Variants in NCKAP5 observed in about 807,000 individuals in gnomAD.
NCKAP5 encodes the protein nck-associated protein 5.
NCKAP5 carries 92 observed loss-of-function variants against 167.0 expected under a neutral mutation model. The observed-to-expected ratio is 0.55, with a 90% confidence interval of 0.47 to 0.66. The LOEUF (loss-of-function observed/expected upper bound fraction) is 0.66, where lower values mean the gene tolerates loss of function less well. NCKAP5 is among the 30% of genes least tolerant of loss of function. The pLI is 0.00. For missense variants in NCKAP5, 2,378 were observed against 2,315.0 expected, an observed-to-expected ratio of 1.03 and a Z score of -0.56; for synonymous variants, 891 against 877.4, an observed-to-expected ratio of 1.02 and a Z score of -0.27.
In NCKAP5 at chr2:133,300,470, C is replaced by A. The variant is rs1407075736; in HGVS notation, c.143+2567G>T. Among the ~76,000 whole-genome samples, 219 of 100,590 alleles carry A rather than the reference C, an allele frequency of 2.2e-3. 4 individuals are homozygous for A. In the Middle Eastern group the frequency reaches 0.025, roughly 12 times the overall value. 66.0% of individuals were successfully genotyped at this position (100,590 alleles called of 152,430 possible). ...TCATCCCTGGGATGCAAGGCTGGTT[C>A]AATATATGCAAATCAATAAATGTAA... On this transcript the variant is annotated intron_variant, in intron 4 of 19. Transcript: ENST00000409261.
At chr2:133,143,870 G>C (rs563094128) in intron 5 of NCKAP5, among the ~76,000 whole-genome samples, 1 of 151,954 alleles carries the variant, frequency 6.6e-6, no homozygotes, top group Non-Finnish European at 1.5e-5. Flanking sequence ...GCAGAGCCAA[G>C]GTTTGAGCCC....
chr2:132,781,326 G>T, intron 14 of NCKAP5, 97 bp from the exon 15 acceptor site: 1 of 1,179,972 alleles, frequency 8.5e-7, no homozygotes, highest in Non-Finnish European at 1.2e-6. Context: ...TAACCTCTTT[G>T]TAGCTCTTTG....
chr2:133,282,327 C>A (rs1404597268), intron 4 of NCKAP5, among the ~76,000 whole-genome samples: 1 of 152,242 alleles, frequency 6.6e-6, no homozygotes, highest in Non-Finnish European at 1.5e-5. Flanking sequence ...CAAAAGTGGG[C>A]AGTCTTAGGA....
intron 6 of NCKAP5, among the ~76,000 whole-genome samples, chr2:133,000,118 G>A (rs928863869): frequency 2.0e-5 from 3 of 152,032 alleles, no homozygotes; most frequent in African/African-American, 4.8e-5. Flanking sequence ...AGAAGTGCCC[G>A]CCACATTCCC....
chr2:133,535,667 T>A (rs1272352967), intron 2 of NCKAP5, among the ~76,000 whole-genome samples: 1 of 152,186 alleles, frequency 6.6e-6, no homozygotes, highest in Non-Finnish European at 1.5e-5. Flanking sequence ...GTAGTGGGAT[T>A]TCTGGGTTGA....
At chr2:133,580,833 A>G in the NCKAP5 span, among the ~76,000 whole-genome samples, 1 of 152,182 alleles carries the variant, frequency 6.6e-6, no homozygotes, top group Non-Finnish European at 1.5e-5. Flanking sequence ...TTGTAAGATT[A>G]TGTCTTATGA....
At chr2:133,063,186 T>G (rs2080069451) in intron 6 of NCKAP5, among the ~76,000 whole-genome samples, 2 of 152,188 alleles carry the variant, frequency 1.3e-5, no homozygotes. Flanking sequence ...TTGCCAGAAA[T>G]GTTACTAAGT....
chr2:133,341,206 A>G (rs1213227532), intron 3 of NCKAP5, among the ~76,000 whole-genome samples: 2 of 152,172 alleles, frequency 1.3e-5, no homozygotes, highest in Admixed American at 1.3e-4. Flanking sequence ...TAAATATGTC[A>G]GAATATAGCA....
chr2:133,642,211 C>A, the NCKAP5 span, among the ~76,000 whole-genome samples: 2 of 152,134 alleles, frequency 1.3e-5, no homozygotes, highest in African/African-American at 4.8e-5. Context: ...CTGAAACTCA[C>A]CCCCTGCAGG....
chr2:132,723,270 C>T (rs1284444839), intron 19 of NCKAP5, among the ~76,000 whole-genome samples: 1 of 151,102 alleles, frequency 6.6e-6, no homozygotes, highest in Non-Finnish European at 1.5e-5. Context: ...CTCAGAGTAG[C>T]TGAGACTACA....
At chr2:132,984,282 G>A (rs958538850) in intron 7 of NCKAP5, among the ~76,000 whole-genome samples, 2 of 152,166 alleles carry the variant, frequency 1.3e-5, no homozygotes, top group Non-Finnish European at 2.9e-5. Flanking sequence ...GTTCTGGGTT[G>A]AGGCCCAGGT....
At chr2:133,628,691 A>G in the NCKAP5 span, among the ~76,000 whole-genome samples, 1 of 152,220 alleles carries the variant, frequency 6.6e-6, no homozygotes, top group South Asian at 2.1e-4. Context: ...AAACAATTCT[A>G]AGCAAAAAGA....
chr2:132,975,843 C>CA (rs1161037608), intron 7 of NCKAP5, among the ~76,000 whole-genome samples: 2 of 152,036 alleles, frequency 1.3e-5, no homozygotes, highest in African/African-American at 4.8e-5. Flanking sequence ...TTCAATCCCC[C>CA]TTTATCCTGT....
the NCKAP5 span, among the ~76,000 whole-genome samples, chr2:133,627,295 T>C: frequency 2.0e-5 from 3 of 152,178 alleles, no homozygotes; most frequent in African/African-American, 4.8e-5. Context: ...CTAATACACT[T>C]AAAATATTAA....
At chr2:133,042,852 A>G (rs1157488508) in intron 6 of NCKAP5, among the ~76,000 whole-genome samples, 1 of 152,160 alleles carries the variant, frequency 6.6e-6, no homozygotes, top group African/African-American at 2.4e-5. Flanking sequence ...ATCTTGTGTC[A>G]TTGCTCTTTT....
At chr2:132,963,228 T>C (rs759290004) in intron 8 of NCKAP5, among the ~76,000 whole-genome samples, 1 of 152,208 alleles carries the variant, frequency 6.6e-6, no homozygotes, top group Non-Finnish European at 1.5e-5. Flanking sequence ...TAAGTCTCCT[T>C]AGCCAGTTTC....
chr2:133,494,578 C>A (rs1681762986), intron 3 of NCKAP5, among the ~76,000 whole-genome samples: 2 of 152,136 alleles, frequency 1.3e-5, no homozygotes, highest in Non-Finnish European at 2.9e-5. Context: ...CCAAAGTAAA[C>A]CTGAAACTCG....
intron 6 of NCKAP5, among the ~76,000 whole-genome samples, chr2:133,067,639 C>G (rs970482801): frequency 1.3e-5 from 2 of 152,182 alleles, no homozygotes; most frequent in Admixed American, 6.5e-5. Context: ...AGACTGTCTT[C>G]CAGCCTCTGG....
At chr2:133,575,035 C>T in the NCKAP5 span, among the ~76,000 whole-genome samples, 5 of 152,172 alleles carry the variant, frequency 3.3e-5, no homozygotes, top group South Asian at 8.3e-4. Flanking sequence ...GCAGCCACAG[C>T]GCATGTTTAC....
Sources: allele counts gnomAD v4.1 joint callset (sites outside exome capture counted in the v4.1 genomes callset), GRCh38; gene constraint gnomAD v4.1.1; transcripts MANE v1.5; gene names NCBI Gene and HGNC (gene_info 2026-07-23, HGNC 2026-07-21).